The following NEO1 variants were observed in gnomAD, a reference collection of about 807,000 sequenced individuals.
The protein encoded by NEO1 is neogenin 1.
Under a neutral mutation model 159.7 loss-of-function variants are expected in NEO1, and 63 were observed. The ratio of observed to expected loss-of-function variants is 0.39; its 90% CI spans 0.32 to 0.49. The LOEUF (loss-of-function observed/expected upper bound fraction) is 0.49. NEO1 is among the 20% of genes least tolerant of loss of function. The pLI is 0.85. For synonymous variants in NEO1, 633 were observed against 662.0 expected, an observed-to-expected ratio of 0.96 and a Z score of 0.67; for missense variants, 1,615 against 1,831.0, an observed-to-expected ratio of 0.88 and a Z score of 2.15.
intron 1 of NEO1, among the ~76,000 whole-genome samples, chr15:73,054,925 T>A (rs1462543846): frequency 1.3e-5 from 2 of 152,152 alleles, no homozygotes. Context: ...TTATAAATCT[T>A]TTTATAGGGG....
intron 1 of NEO1, 51 bp from the exon 2 acceptor site, chr15:73,116,489 A>G: frequency 6.9e-7 from 1 of 1,442,912 alleles, no homozygotes; most frequent in Non-Finnish European, 9.2e-7. Context: ...TTTCTGACAA[A>G]TAATAGAAGA....
At chr15:73,099,054 G>C (rs555403628) in intron 1 of NEO1, among the ~76,000 whole-genome samples, 35 of 152,110 alleles carry the variant, frequency 2.3e-4, no homozygotes, top group Non-Finnish European at 4.1e-4. Flanking sequence ...TTCTACATCT[G>C]TATGAAAATG....
At chr15:73,278,096 T>G (rs768635984) in intron 21 of NEO1, 35 bp from the exon 22 acceptor site, 1 of 1,586,152 alleles carries the variant, frequency 6.3e-7, no homozygotes, top group Non-Finnish European at 8.6e-7. Context: ...GCCAAATGTG[T>G]GGGGTCATTA....
At chr15:73,060,558 G>A (rs1219853120) in intron 1 of NEO1, among the ~76,000 whole-genome samples, 2 of 151,054 alleles carry the variant, frequency 1.3e-5, no homozygotes, top group East Asian at 2.0e-4. Context: ...GTGAGCCACC[G>A]CTGCACCCAG....
intron 1 of NEO1, among the ~76,000 whole-genome samples, chr15:73,069,093 A>G (rs566211900): frequency 8.3e-4 from 125 of 150,236 alleles, no homozygotes; most frequent in Non-Finnish European, 1.3e-3. Context: ...AGCTGGGACT[A>G]CAGTCATGCG....
At chr15:73,183,430 G>A (rs2151978101) in intron 7 of NEO1, among the ~76,000 whole-genome samples, 1 of 152,294 alleles carries the variant, frequency 6.6e-6, no homozygotes, top group Non-Finnish European at 1.5e-5. Context: ...GCCGGGGAAA[G>A]GGTAGAAGAG....
chr15:73,191,748 T>C (rs977023254), intron 7 of NEO1, among the ~76,000 whole-genome samples: 3 of 152,052 alleles, frequency 2.0e-5, no homozygotes, highest in African/African-American at 7.2e-5. Flanking sequence ...ATGATCTGGT[T>C]AAAACTAAAC....
chr15:73,084,054 A>G (rs965199460), intron 1 of NEO1, among the ~76,000 whole-genome samples: 1 of 152,024 alleles, frequency 6.6e-6, no homozygotes, highest in Non-Finnish European at 1.5e-5. Flanking sequence ...ATATATAGGG[A>G]TTGTGGAATG....
intron 7 of NEO1, among the ~76,000 whole-genome samples, chr15:73,179,413 A>G (rs912309840): frequency 6.6e-6 from 1 of 152,112 alleles, no homozygotes; most frequent in Non-Finnish European, 1.5e-5. Flanking sequence ...AACTTGCTCA[A>G]AATCTCCTTT....
At chr15:73,184,008 T>C (rs2151980307) in intron 7 of NEO1, among the ~76,000 whole-genome samples, 1 of 152,266 alleles carries the variant, frequency 6.6e-6, no homozygotes, top group African/African-American at 2.4e-5. Flanking sequence ...AAGCAAAAAT[T>C]AATAGACTTT....
At position 73,054,563 on chromosome 15, in the gene NEO1, A is replaced by G. The variant is rs187119951; in HGVS notation, c.130+1758A>G. On this transcript the variant is annotated intron_variant, in intron 1 of 28. Transcript: ENST00000261908. ...GAGAATAGGTTTTCACAAAGTGGGT[A>G]CTGGAGTGACATAACCTAGTCTGGG... Among the ~76,000 whole-genome samples the G allele has an allele frequency of 2.6e-5, 4 of 152,346 alleles. No homozygotes were observed. The East Asian group carries it at 5.8e-4, about 22-fold the overall frequency.
At chr15:73,250,117 C>T (rs1262728575) in intron 11 of NEO1, among the ~76,000 whole-genome samples, 2 of 151,974 alleles carry the variant, frequency 1.3e-5, no homozygotes, top group Non-Finnish European at 2.9e-5. Context: ...CTTTCTAGTT[C>T]CTCCGTATTT....
chr15:73,259,041 T>C, intron 14 of NEO1, 165 bp downstream of exon 14: 1 of 592,732 alleles, frequency 1.7e-6, no homozygotes, highest in South Asian at 2.0e-5. Context: ...CTGGAATGGA[T>C]TTTTTGCAGT....
chr15:73,110,114 A>G (rs2070893716), intron 1 of NEO1, among the ~76,000 whole-genome samples: 1 of 152,224 alleles, frequency 6.6e-6, no homozygotes, highest in African/African-American at 2.4e-5. Flanking sequence ...GAAGCAAGAT[A>G]GTCTGAACCG....
intron 1 of NEO1, among the ~76,000 whole-genome samples, chr15:73,112,026 C>T (rs1400998031): frequency 6.6e-6 from 1 of 152,108 alleles, no homozygotes; most frequent in Non-Finnish European, 1.5e-5. Context: ...TTCCTCTACT[C>T]CCTTTCTCCT....
intron 7 of NEO1, among the ~76,000 whole-genome samples, chr15:73,217,695 G>C (rs989206390): frequency 5.9e-5 from 9 of 151,988 alleles, no homozygotes; most frequent in Admixed American, 2.0e-4. Flanking sequence ...TGAAGCAATT[G>C]TGAATGGGAG....
intron 6 of NEO1, 27 bp from the exon 7 acceptor site, chr15:73,178,280 A>G: frequency 1.3e-6 from 2 of 1,597,860 alleles, no homozygotes; most frequent in Non-Finnish European, 1.7e-6. Context: ...TAAATTATGT[A>G]ATTTTATTTA....
intron 7 of NEO1, among the ~76,000 whole-genome samples, chr15:73,183,524 A>G (rs980273920): frequency 2.6e-5 from 4 of 152,160 alleles, no homozygotes; most frequent in African/African-American, 7.2e-5. Context: ...GTCTTTTACT[A>G]CTAGGGGAAG....
chr15:73,140,213 T>G (rs1210379587), intron 5 of NEO1, among the ~76,000 whole-genome samples: 1 of 151,906 alleles, frequency 6.6e-6, no homozygotes, highest in Non-Finnish European at 1.5e-5. Context: ...TTGACAGGAG[T>G]ATACACTGAC....
Sources: gnomAD v4.1 joint callset for allele counts (sites outside exome capture counted in the v4.1 genomes callset) on GRCh38, gnomAD v4.1.1 for gene constraint, MANE v1.5 for transcripts, NCBI Gene and HGNC (gene_info 2026-07-23, HGNC 2026-07-21) for gene names.